The following ADH5 variants were observed in gnomAD, a reference collection of about 807,000 sequenced individuals.
ADH5 encodes alcohol dehydrogenase class-3.
A neutral mutation model predicts 40.3 loss-of-function variants in ADH5; 32 were observed. The observed-to-expected ratio is 0.79, with a 90% CI of 0.60 to 1.07. The LOEUF (loss-of-function observed/expected upper bound fraction) is 1.07, where lower values mean the gene tolerates loss of function less well. Ranked by LOEUF, ADH5 falls within the 50% of genes least tolerant of loss-of-function variation. The pLI, the probability that ADH5 is intolerant of heterozygous loss-of-function variation, is 0.00. For synonymous variants in ADH5, 125 were observed against 154.3 expected (o/e 0.81, Z 1.41); for missense variants, 353 against 460.5 (o/e 0.77, Z 2.14).
At chr4:99,088,667 C>G (rs1728199856) in intron 1 of ADH5, 22 bp downstream of exon 1, 1 of 1,606,488 alleles carries the variant, frequency 6.2e-7, no homozygotes, top group East Asian at 2.2e-5. Flanking sequence ...GGACTCAGGG[C>G]CCTCCGCTCA....
intron 6 of ADH5, 164 bp from the exon 7 acceptor site, chr4:99,075,213 A>ATTT: frequency 6.4e-6 from 3 of 467,612 alleles, no homozygotes; most frequent in East Asian, 4.3e-5. Context: ...TTATATTTTA[A>ATTT]TTTTTTTTGT....
At chr4:99,081,240 C>A in intron 4 of ADH5, 125 bp downstream of exon 4, 49 of 559,366 alleles carry the variant, frequency 8.8e-5, no homozygotes, top group Non-Finnish European at 1.1e-4. Context: ...GTCCTTTGAA[C>A]GTTAATCCGA....
chr4:99,072,479 C>T (rs757305169), intron 8 of ADH5, 38 bp from the exon 9 acceptor site: 30 of 1,611,044 alleles, frequency 1.9e-5, no homozygotes, highest in Middle Eastern at 1.6e-4. Context: ...TTAAATGATA[C>T]CTTTAAGACA....
chr4:99,072,862 C>CCAA (rs1261714448), intron 7 of ADH5, among the ~76,000 whole-genome samples, 151 bp from the exon 8 acceptor site: 2 of 152,148 alleles, frequency 1.3e-5, no homozygotes, highest in Non-Finnish European at 2.9e-5. Context: ...AAGAATTTGA[C>CCAA]CAACACCTTT....
intron 5 of ADH5, 60 bp from the exon 6 acceptor site, chr4:99,076,612 T>C: frequency 6.3e-7 from 1 of 1,595,152 alleles, no homozygotes; most frequent in South Asian, 1.1e-5. Context: ...AATCACTGGG[T>C]TTCATACAGA....
chr4:99,085,260 CA>C, intron 1 of ADH5, 44 bp from the exon 2 acceptor site: 1 of 975,684 alleles, frequency 1.0e-6, no homozygotes. Context: ...TCCTCCTAAA[CA>C]AGTAACTACT....
rs780805340 is a variant in ADH5 at position 99,076,304 on chromosome 4, A to G, written c.813T>C (p.Asn271=). The G allele has an allele frequency of 4.3e-6, 7 of 1,614,036 alleles. No individual in the cohort carries two copies. The highest frequency in any genetic ancestry group is 5.1e-6 in the Non-Finnish European group (6 of 1,179,900). ...AGCCCATACTCACCATGACCTTCAC[A>G]TTACCAATACATTCAAAGGAATAGT... ...GVDYSFECIG[N]VKVMRAALEA... Residue 271 remains asparagine (N), a synonymous_variant, in exon 6 of 9, where the codon AAT becomes AAC. Coordinates refer to ENST00000296412, the MANE Select transcript of ADH5 (RefSeq NM_000671.4).
At chr4:99,086,565 G>T (rs1728136076) in intron 1 of ADH5, among the ~76,000 whole-genome samples, 1 of 152,152 alleles carries the variant, frequency 6.6e-6, no homozygotes, top group African/African-American at 2.4e-5. Flanking sequence ...TTCTAACCAG[G>T]ATACTGAAGG....
Position 99,074,986 on chromosome 4 carries a change from A to G in ADH5, c.889T>C (p.Ser297Pro). The change falls in exon 7 of 9, where the codon TCA becomes CCA. Residue 297 changes from serine (S) to proline (P), a missense_variant. Coordinates refer to ENST00000296412, the MANE Select transcript of ADH5 (RefSeq NM_000671.4). ...GVSVVVGVAASGEEIATRPFQ... is the reference protein window; with the variant it reads ...GVSVVVGVAAPGEEIATRPFQ... ...GGACGAGTGGCAATTTCTTCACCTG[A>G]AGCAGCTACTCCAACCACGACGCTG... is the stretch of plus-strand genomic sequence containing the variant. 6.2e-7 allele frequency: 1 copy of G among 1,613,312 alleles called. No homozygotes were observed. The highest frequency in any genetic ancestry group is 2.2e-5 in the East Asian group (1 of 44,856).
At position 99,071,632 on chromosome 4, in the gene ADH5, C is replaced by T. The variant is rs557522229; in HGVS notation, c.*785G>A. On this transcript the variant is annotated 3_prime_UTR_variant, in exon 9 of 9. Coordinates refer to ENST00000296412, the MANE Select transcript of ADH5 (RefSeq NM_000671.4). ...GTTATACACAGTGAAAGTACAACAA[C>T]ACAGGAATGATAAACATCAAATTGT... The T allele has an allele frequency of 1.3e-5, 2 of 152,172 alleles. No homozygotes were observed. Among genetic ancestry groups the T allele is most frequent in the South Asian group, 4.1e-4 (2 of 4,820 alleles). The allele number at this position is 152,172 out of a possible 1,614,324, so 9.4% of individuals were successfully genotyped here. A position where few individuals can be genotyped will look rare whatever the true frequency, so the allele number is the denominator to read the frequency against.
At chr4:99,075,688 T>A (rs1453623574) in intron 6 of ADH5, 1 of 152,580 alleles carries the variant, frequency 6.6e-6, no homozygotes, top group Non-Finnish European at 1.5e-5. Flanking sequence ...TATGTAGGTT[T>A]AAGTAGGTGT....
intron 2 of ADH5, among the ~76,000 whole-genome samples, 195 bp from the exon 3 acceptor site, chr4:99,082,311 T>C (rs1011579081): frequency 6.6e-6 from 1 of 152,210 alleles, no homozygotes; most frequent in Non-Finnish European, 1.5e-5. Flanking sequence ...TGGCAGCAAT[T>C]TTTTAGTGGT....
chr4:99,083,075 C>CGTAACAATCTTTGCTACCT (rs1560755674), intron 2 of ADH5, among the ~76,000 whole-genome samples: 1 of 152,056 alleles, frequency 6.6e-6, no homozygotes, highest in Non-Finnish European at 1.5e-5. Context: ...CCACTTACAA[C>CGTAACAATCTTTGCTACCT]GTAACAATCT....
At chr4:99,083,564 C>CA in intron 2 of ADH5, among the ~76,000 whole-genome samples, 1 of 136,916 alleles carries the variant, frequency 7.3e-6, no homozygotes. Context: ...CGCACCACTG[C>CA]ACTCCAGCCT....
chr4:99,082,708 G>C (rs927700772), intron 2 of ADH5, among the ~76,000 whole-genome samples: 1 of 151,956 alleles, frequency 6.6e-6, no homozygotes, highest in Non-Finnish European at 1.5e-5. Context: ...CAAGAGTCTC[G>C]CTCTATCACC....
At chr4:99,088,183 C>T (rs1379693736) in intron 1 of ADH5, among the ~76,000 whole-genome samples, 2 of 152,126 alleles carry the variant, frequency 1.3e-5, no homozygotes, top group Non-Finnish European at 2.9e-5. Context: ...GAAAATGTTT[C>T]TGAAAGGGAC....
chr4:99,072,436 C>A lies in ADH5; in HGVS notation c.1106G>T (p.Arg369Leu). ...FELMHSGKSI[R>L]TVVKI Reference sequence around the variant, plus strand: ...TTTGAATTAAATCTTTACAACAGTTCGAATGCTGTAAAAGGAAGCAACATA... The same window carrying A: ...TTTGAATTAAATCTTTACAACAGTTAGAATGCTGTAAAAGGAAGCAACATA... The change falls in exon 9 of 9, where the codon CGA (arginine) becomes CTA (leucine). Residue 369 changes from arginine (R) to leucine (L), a missense_variant. Coordinates refer to ENST00000296412, the MANE Select transcript of ADH5 (RefSeq NM_000671.4). 1 of 1,613,140 alleles carries A rather than the reference C, an allele frequency of 6.2e-7. No homozygotes were observed. The highest frequency in any genetic ancestry group is 8.5e-7 in the Non-Finnish European group (1 of 1,179,376).
chr4:99,082,707 C>T (rs763711280), intron 2 of ADH5, among the ~76,000 whole-genome samples: 4 of 152,146 alleles, frequency 2.6e-5, no homozygotes, highest in South Asian at 2.1e-4. Flanking sequence ...ACAAGAGTCT[C>T]GCTCTATCAC....
At chr4:99,081,774 T>C (rs1317143375) in intron 3 of ADH5, 1 of 675,364 alleles carries the variant, frequency 1.5e-6, no homozygotes, top group Non-Finnish European at 2.4e-6. Context: ...TTAGAAAAGT[T>C]TCACAAAAAC....
Sources: gnomAD v4.1 joint callset for allele counts (sites outside exome capture counted in the v4.1 genomes callset) on GRCh38, gnomAD v4.1.1 for gene constraint, MANE v1.5 for transcripts, NCBI Gene and HGNC (gene_info 2026-07-23, HGNC 2026-07-21) for gene names.